PARD3B: variants seen among roughly 807,000 people sequenced by gnomAD.
PARD3B encodes par-3 family cell polarity regulator beta.
In PARD3B, 103 loss-of-function variants were observed where a neutral mutation model predicts 130.2. That is an observed-to-expected ratio of 0.79 (90% CI 0.67 to 0.93). The LOEUF (loss-of-function observed/expected upper bound fraction) is 0.93, where lower values mean the gene tolerates loss of function less well. PARD3B is among the 40% of genes least tolerant of loss of function. The probability of loss-of-function intolerance (pLI) is 0.00; values close to 1 mark genes in which losing one functional copy is unlikely to be tolerated. For synonymous variants in PARD3B, 583 were observed against 553.2 expected, an observed-to-expected ratio of 1.05 and a Z score of -0.76; for missense variants, 1,609 against 1,499.2, an observed-to-expected ratio of 1.07 and a Z score of -1.21.
chr2:205,488,544 A>C (rs1353010345), intron 20 of PARD3B, among the ~76,000 whole-genome samples: 1 of 152,122 alleles, frequency 6.6e-6, no homozygotes, highest in Non-Finnish European at 1.5e-5. Flanking sequence ...ATGATCTCTC[A>C]CTGAACCCAC....
intron 3 of PARD3B, among the ~76,000 whole-genome samples, chr2:205,019,067 T>C (rs2125327324): frequency 6.6e-6 from 1 of 152,262 alleles, no homozygotes; most frequent in East Asian, 1.9e-4. Context: ...GCAGCCATCA[T>C]CATCAATTTT....
rs921651093 is a variant in PARD3B at position 205,230,455 on chromosome 2, C to T, written c.2141-15323C>T. ...AGGAGCTAAAGCCTAGAATGGGGGC[C>T]CCAGGACTCTGCCCAGTGCCCCCTA... On this transcript the variant is annotated intron_variant, in intron 15 of 22. Coordinates refer to ENST00000406610, the MANE Select transcript of PARD3B (RefSeq NM_001302769.2). This position sits in a 1 kb window ranked among gnomAD's most constrained non-coding sequence, Gnocchi z 4.1. Among the ~76,000 whole-genome samples the T allele has an allele frequency of 3.0e-4, 46 of 152,126 alleles. No individual in the cohort carries two copies. Among genetic ancestry groups the T allele is most frequent in the African/African-American group, 1.1e-3 (46 of 41,434 alleles).
chr2:204,998,346 ATATATATATATATG>A lies in PARD3B; in HGVS notation c.394+33025_394+33038del, dbSNP rs1260202592. ...TATATATATATATATATATATATAT[ATATATATATATATG>A]TGTGTGTGTGTGTGTATATATGTGT... On this transcript the variant is annotated intron_variant, in intron 3 of 22. Coordinates refer to ENST00000406610, the MANE Select transcript of PARD3B (RefSeq NM_001302769.2). Among the ~76,000 whole-genome samples, 48 of 78,638 alleles carry A rather than the reference ATATATATATATATG, an allele frequency of 6.1e-4. 5 individuals are homozygous for A. The highest frequency in any genetic ancestry group is 2.1e-3 in the African/African-American group (34 of 16,202). The allele number at this position is 78,638 out of a possible 152,430, so 51.6% of individuals were successfully genotyped here.
At chr2:205,411,838 T>C (rs533821940) in intron 19 of PARD3B, among the ~76,000 whole-genome samples, 1 of 152,132 alleles carries the variant, frequency 6.6e-6, no homozygotes, top group South Asian at 2.1e-4. Context: ...CACAGTAGTG[T>C]GGGGGGTGCT....
rs62177850 is a variant in PARD3B at position 204,807,452 on chromosome 2, A to G, written c.222+121170A>G. ...CACTAGGAGGTTCCTCAAAAGAAACAAAAATAGAACTACCATATGATGTAG... is the reference window on the plus strand; with the variant it reads ...CACTAGGAGGTTCCTCAAAAGAAACGAAAATAGAACTACCATATGATGTAG... On this transcript the variant is annotated intron_variant, in intron 2 of 22. Coordinates refer to ENST00000406610, the MANE Select transcript of PARD3B (RefSeq NM_001302769.2). Among the ~76,000 whole-genome samples, 1,279 of 152,284 alleles carry G rather than the reference A, an allele frequency of 8.4e-3. 12 individuals are homozygous for G. The highest frequency in any genetic ancestry group is 0.014 in the Non-Finnish European group (931 of 68,022).
intron 10 of PARD3B, among the ~76,000 whole-genome samples, chr2:205,138,903 G>A (rs547943327): frequency 4.3e-4 from 66 of 152,316 alleles, no homozygotes; most frequent in Middle Eastern, 3.4e-3. Flanking sequence ...TGTTGCCATA[G>A]TAGTAGGCAC....
At chr2:205,252,046 TATTTCCAC>T (rs2039873363) in intron 16 of PARD3B, among the ~76,000 whole-genome samples, 1 of 152,168 alleles carries the variant, frequency 6.6e-6, no homozygotes, top group South Asian at 2.1e-4. Context: ...GCAACTCTAG[TATTTCCAC>T]ATTTGCAAAA....
At position 205,158,689 on chromosome 2, in the gene PARD3B, T is replaced by C. The variant is rs765152144; in HGVS notation, c.1435-33T>C. 1.3e-5 allele frequency: 21 copies of C among 1,561,538 alleles called. No individual in the cohort carries two copies. Among genetic ancestry groups the C allele is most frequent in the African/African-American group, 2.7e-5 (2 of 72,818 alleles). ...AGTGAAATATTAATCTGCTTTCTTC[T>C]CTTCACTCTTTTCATGTGTATTCCC... On this transcript the variant is annotated intron_variant, in intron 10 of 22. Transcript: ENST00000406610. This position sits in a 1 kb window ranked among gnomAD's most constrained non-coding sequence, Gnocchi z 5.4.
At chr2:204,794,002 T>G (rs901497364) in intron 2 of PARD3B, among the ~76,000 whole-genome samples, 2 of 152,172 alleles carry the variant, frequency 1.3e-5, no homozygotes, top group Non-Finnish European at 2.9e-5. Context: ...CTTGGATTTG[T>G]GTAATCTCAA....
At chr2:205,586,048 A>G (rs908964379) in intron 22 of PARD3B, among the ~76,000 whole-genome samples, 1 of 152,214 alleles carries the variant, frequency 6.6e-6, no homozygotes, top group African/African-American at 2.4e-5. Context: ...TCTCCTAATG[A>G]GGGATGGCTT....
chr2:205,334,779 C>T (rs1420081447), intron 18 of PARD3B, among the ~76,000 whole-genome samples: 1 of 152,186 alleles, frequency 6.6e-6, no homozygotes, highest in Non-Finnish European at 1.5e-5. Flanking sequence ...GTTGAATGCA[C>T]TTTCCATCCT....
At chr2:204,597,828 G>A (rs914581085) in intron 1 of PARD3B, among the ~76,000 whole-genome samples, 4 of 152,152 alleles carry the variant, frequency 2.6e-5, no homozygotes, top group African/African-American at 9.7e-5. Flanking sequence ...TTGGAAACAT[G>A]TTTTATGGAA....
Position 205,532,970 on chromosome 2 carries a change from A to AGT in PARD3B, c.3181-20345_3181-20344dup, listed in dbSNP as rs2051669479. On this transcript the variant is annotated intron_variant, in intron 21 of 22. Coordinates refer to ENST00000406610, the MANE Select transcript of PARD3B (RefSeq NM_001302769.2). The stretch of plus-strand genomic sequence containing the variant: ...GATAATTGCTGCATATTTAGCAATC[A>AGT]GTGTGTGTGTTCTGCTTTTGCCAGG... Among the ~76,000 whole-genome samples, 3 of 152,188 alleles carry AGT rather than the reference A, an allele frequency of 2.0e-5. No individual in the cohort carries two copies. In the South Asian group the frequency reaches 6.2e-4, roughly 31 times the overall value.
chr2:205,076,020 A>G (rs1701038269), intron 4 of PARD3B, among the ~76,000 whole-genome samples: 1 of 152,186 alleles, frequency 6.6e-6, no homozygotes, highest in Non-Finnish European at 1.5e-5. Flanking sequence ...TGAACATCAT[A>G]GTAATTAAAT....
chr2:204,714,857 A>G (rs1022583631), intron 2 of PARD3B, among the ~76,000 whole-genome samples: 7 of 152,156 alleles, frequency 4.6e-5, no homozygotes, highest in East Asian at 3.8e-4. Flanking sequence ...CAATTTGACA[A>G]TATGTTATAG....
chr2:204,851,175 A>G (rs2044694133), intron 2 of PARD3B, among the ~76,000 whole-genome samples: 1 of 152,196 alleles, frequency 6.6e-6, no homozygotes, highest in Non-Finnish European at 1.5e-5. Flanking sequence ...TTTCCCATTT[A>G]TTAACCTTGG....
chr2:205,271,548 T>C (rs13424027), intron 16 of PARD3B, among the ~76,000 whole-genome samples: 21,036 of 152,250 alleles, frequency 0.14, 1,661 homozygotes, highest in East Asian at 0.25. Flanking sequence ...TAACTATTAC[T>C]CTAAATTGAC....
intron 18 of PARD3B, among the ~76,000 whole-genome samples, chr2:205,350,610 CTTTA>C (rs2043963256): frequency 1.3e-5 from 2 of 152,034 alleles, no homozygotes; most frequent in South Asian, 4.2e-4. Flanking sequence ...GTTTCTTCTC[CTTTA>C]TTGTCTTTTT....
Position 205,301,786 on chromosome 2 carries a change from C to T in PARD3B, c.2630+85C>T, listed in dbSNP as rs906188511. 29 of 1,604,102 alleles carry T rather than the reference C, an allele frequency of 1.8e-5. No individual in the cohort carries two copies. The Middle Eastern group carries it at 5.0e-4, about 27-fold the overall frequency. On this transcript the variant is annotated intron_variant, in intron 18 of 22. Transcript: ENST00000406610. The surrounding 1 kb of genome is among the most constrained non-coding windows in gnomAD (Gnocchi z 5.2). ...TCCTTTGTCTGTACTCAGAAAAAAG[C>T]GCACGCTTTTCCTCGTCTTCAGCCA...
Sources: gnomAD v4.1 joint callset for allele counts (sites outside exome capture counted in the v4.1 genomes callset) on GRCh38, gnomAD v4.1.1 for gene constraint, Gnocchi (gnomAD v3.1) non-coding constraint, MANE v1.5 for transcripts, NCBI Gene and HGNC (gene_info 2026-07-23, HGNC 2026-07-21) for gene names.